The following SHISA6 variants were observed in gnomAD, a reference collection of about 807,000 sequenced individuals.
The protein encoded by SHISA6 is shisa family member 6, also known as protein shisa-6.
In SHISA6, 22 loss-of-function variants were observed where a neutral mutation model predicts 47.9. That is an observed-to-expected ratio of 0.46 (90% CI 0.33 to 0.66). The LOEUF (loss-of-function observed/expected upper bound fraction) is 0.66, where lower values mean the gene tolerates loss of function less well. Among genes scored for constraint, SHISA6 ranks in the 30% least tolerant of loss-of-function variants. The pLI is 0.02. For missense variants in SHISA6, 680 were observed against 764.6 expected (o/e 0.89, Z 1.30); for synonymous variants, 388 against 337.8 (o/e 1.15, Z -1.63).
chr17:11,500,661 CAT>C (rs1286902476), intron 3 of SHISA6, among the ~76,000 whole-genome samples: 1 of 152,190 alleles, frequency 6.6e-6, no homozygotes, highest in Non-Finnish European at 1.5e-5. Context: ...CCACTAGGAA[CAT>C]GTGGCTGTTT....
At position 11,350,059 on chromosome 17, in the gene SHISA6, C is replaced by CT. The variant is rs896268864; in HGVS notation, c.800-29346dup. ...CCATAGAAAACCATGTTCTCCCCAC[C>CT]TTTTTTTTTGTTGAACCCGCCTCCC... On this transcript the variant is annotated intron_variant, in intron 2 of 5. Coordinates refer to ENST00000441885, the MANE Select transcript of SHISA6 (RefSeq NM_207386.4). Among the ~76,000 whole-genome samples the CT allele has an allele frequency of 1.9e-4, 29 of 150,348 alleles. No homozygotes were observed. In the East Asian group the frequency reaches 3.9e-3, roughly 20 times the overall value.
intron 2 of SHISA6, among the ~76,000 whole-genome samples, chr17:11,325,567 G>T (rs6502140): frequency 0.18 from 27,646 of 151,952 alleles, 2,605 homozygotes; most frequent in Middle Eastern, 0.23. Context: ...AAACAATAGG[G>T]GGAAAGAAAC....
Position 11,241,588 on chromosome 17 carries a change from C to G in SHISA6, c.166C>G (p.Arg56Gly). 8.5e-7 allele frequency: 1 copy of G among 1,170,794 alleles called. No individual in the cohort carries two copies. The highest frequency in any genetic ancestry group is 3.9e-5 in the South Asian group (1 of 25,464). 72.5% of individuals were successfully genotyped at this position (1,170,794 alleles called of 1,614,324 possible). ...RAGGALARGGRELNGTARAPG... is the reference protein window; with the variant it reads ...RAGGALARGGGELNGTARAPG... ...CGGGGGCGCCCTGGCACGGGGCGGCCGCGAGCTGAACGGCACCGCCCGGGC... is the reference window on the plus strand; with the variant it reads ...CGGGGGCGCCCTGGCACGGGGCGGCGGCGAGCTGAACGGCACCGCCCGGGC... Residue 56 changes from arginine to glycine, a missense_variant, in exon 1 of 6, where the codon CGC becomes GGC. Physicochemically the swap from Arg to Gly is moderately radical, Grantham distance 125. Around this residue, in one of 2 missense-constraint regions of SHISA6, gnomAD observed 121 missense variants for 90.5 expected, o/e 1.34. Coordinates refer to ENST00000441885, the MANE Select transcript of SHISA6 (RefSeq NM_207386.4). The surrounding 1 kb of genome is among the most constrained non-coding windows in gnomAD (Gnocchi z 5.5).
chr17:11,493,091 G>C (rs1372116015), intron 3 of SHISA6, among the ~76,000 whole-genome samples: 1 of 152,162 alleles, frequency 6.6e-6, no homozygotes, highest in African/African-American at 2.4e-5. Context: ...GGAATGTTCT[G>C]GCTAATGTTT....
intron 1 of SHISA6, among the ~76,000 whole-genome samples, chr17:11,256,215 CCGGGCA>C (rs1908001737): frequency 6.6e-6 from 1 of 152,182 alleles, no homozygotes; most frequent in Non-Finnish European, 1.5e-5. Flanking sequence ...ATAACACCGG[CCGGGCA>C]CGGTGGCTCA....
chr17:11,531,211 C>CTG lies in SHISA6; in HGVS notation c.896-20631_896-20630dup, dbSNP rs58392834. Among the ~76,000 whole-genome samples the CTG allele has an allele frequency of 5.7e-3, 759 of 133,944 alleles. 2 individuals carry two copies. Among genetic ancestry groups the CTG allele is most frequent in the Middle Eastern group, 0.011 (3 of 266 alleles). 87.9% of individuals were successfully genotyped at this position (133,944 alleles called of 152,430 possible). On this transcript the variant is annotated intron_variant, in intron 3 of 5. Coordinates refer to ENST00000441885, the MANE Select transcript of SHISA6 (RefSeq NM_207386.4). ...TGTGTGAGCTGGACAGGTTACTACT[C>CTG]TGTGTGTGTGTGTGTGTGTGTGTGT...
intron 3 of SHISA6, among the ~76,000 whole-genome samples, chr17:11,440,660 A>G (rs1915071057): frequency 6.7e-6 from 1 of 149,728 alleles, no homozygotes; most frequent in Admixed American, 6.6e-5. Context: ...ACGGATGCTT[A>G]GAGAAATTAA....
chr17:11,308,764 C>T (rs910692706), intron 2 of SHISA6, among the ~76,000 whole-genome samples: 6 of 152,130 alleles, frequency 3.9e-5, no homozygotes, highest in Non-Finnish European at 8.8e-5. Flanking sequence ...TCTCCATGCT[C>T]GGTGGCTGCG....
At chr17:11,243,508 A>G (rs2142130562) in intron 1 of SHISA6, among the ~76,000 whole-genome samples, 1 of 152,294 alleles carries the variant, frequency 6.6e-6, no homozygotes, top group South Asian at 2.1e-4. Flanking sequence ...CAGATAGTGC[A>G]GTAAGTATCC....
At chr17:11,350,524 G>T (rs1220952084) in intron 2 of SHISA6, among the ~76,000 whole-genome samples, 1 of 151,876 alleles carries the variant, frequency 6.6e-6, no homozygotes, top group Non-Finnish European at 1.5e-5. Flanking sequence ...CAAACCAAGA[G>T]CCTCATCAGA....
At chr17:11,463,634 CTTGT>C (rs1915743428) in intron 3 of SHISA6, among the ~76,000 whole-genome samples, 1 of 152,146 alleles carries the variant, frequency 6.6e-6, no homozygotes, top group African/African-American at 2.4e-5. Flanking sequence ...TGGTCTGGAA[CTTGT>C]TTATTTCACT....
chr17:11,286,389 G>A (rs1233526854), intron 2 of SHISA6, among the ~76,000 whole-genome samples: 3 of 152,092 alleles, frequency 2.0e-5, no homozygotes, highest in African/African-American at 7.2e-5. Flanking sequence ...ACCTACGGAA[G>A]CCTTATCCCC....
At chr17:11,275,740 G>A (rs1908863059) in intron 2 of SHISA6, among the ~76,000 whole-genome samples, 1 of 152,258 alleles carries the variant, frequency 6.6e-6, no homozygotes, top group East Asian at 1.9e-4. Flanking sequence ...GGGCAGAAGT[G>A]AAATCCTGCT....
chr17:11,333,605 C>G (rs1850082488), intron 2 of SHISA6, among the ~76,000 whole-genome samples: 1 of 152,120 alleles, frequency 6.6e-6, no homozygotes, highest in Non-Finnish European at 1.5e-5. Flanking sequence ...ATCTCCGCCT[C>G]CCGAGGTCAA....
chr17:11,388,247 G>A (rs1016444846), intron 3 of SHISA6, among the ~76,000 whole-genome samples: 2 of 152,144 alleles, frequency 1.3e-5, no homozygotes, highest in African/African-American at 2.4e-5. Context: ...AGAAGGCGTC[G>A]AGTCTCCATG....
intron 3 of SHISA6, among the ~76,000 whole-genome samples, chr17:11,515,062 GA>G (rs2071571644): frequency 6.6e-6 from 1 of 152,036 alleles, no homozygotes. Flanking sequence ...AGTGGGTGAT[GA>G]TGCCACTGTC....
intron 3 of SHISA6, among the ~76,000 whole-genome samples, chr17:11,432,635 A>G (rs573520530): frequency 1.3e-5 from 2 of 152,344 alleles, no homozygotes; most frequent in Admixed American, 1.3e-4. Flanking sequence ...AAACCACTTT[A>G]TCTGTGTCAA....
chr17:11,493,079 A>G (rs1029941933), intron 3 of SHISA6, among the ~76,000 whole-genome samples: 2 of 152,146 alleles, frequency 1.3e-5, no homozygotes, highest in African/African-American at 4.8e-5. Flanking sequence ...CCATGGAGAT[A>G]AGGAATGTTC....
At chr17:11,266,393 C>T (rs551330014) in intron 2 of SHISA6, among the ~76,000 whole-genome samples, 7 of 152,200 alleles carry the variant, frequency 4.6e-5, no homozygotes, top group Non-Finnish European at 1.0e-4. Context: ...CTCTACCTCT[C>T]CTGCTGAATG....
Sources: allele counts gnomAD v4.1 joint callset (sites outside exome capture counted in the v4.1 genomes callset), GRCh38; gene constraint gnomAD v4.1.1; regional missense constraint gnomAD v4.1.1; non-coding constraint Gnocchi (gnomAD v3.1); transcripts MANE v1.5; gene names NCBI Gene and HGNC (gene_info 2026-07-23, HGNC 2026-07-21).